ANO1: variants seen among roughly 807,000 people sequenced by gnomAD.
ANO1 encodes anoctamin-1.
A neutral mutation model predicts 124.0 loss-of-function variants in ANO1; 59 were observed. The observed-to-expected ratio is 0.48, with a 90% CI of 0.39 to 0.59. ANO1 has a LOEUF of 0.59. Among genes scored for constraint, ANO1 ranks in the 20% least tolerant of loss-of-function variants. The pLI, the probability that ANO1 is intolerant of heterozygous loss-of-function variation, is 0.00. For synonymous variants in ANO1, 529 were observed against 532.0 expected (o/e 0.99, Z 0.08); for missense variants, 1,059 against 1,328.0 (o/e 0.80, Z 3.15).
rs571183858 is a variant in ANO1 at position 70,046,156 on chromosome 11, C to G, written c.59-32386C>G. Among the ~76,000 whole-genome samples, 22 of 152,254 alleles carry G rather than the reference C, an allele frequency of 1.4e-4. No homozygotes were observed. In the South Asian group the frequency reaches 4.2e-3, roughly 29 times the overall value. The stretch of plus-strand genomic sequence containing the variant: ...CAAAGGTTGAGCTCATTGGGTTCAG[C>G]AAAAATGCCCAGTGTTAGTCTATGT... On this transcript the variant is annotated intron_variant, in intron 1 of 27. Transcript: ENST00000531349.
At position 70,091,137 on chromosome 11, in the gene ANO1, G is replaced by A. The variant is rs150132685; in HGVS notation, c.441+3053G>A. 6.1e-4 allele frequency among the ~76,000 whole-genome samples: 93 copies of A among 152,344 alleles called. 3 individuals are homozygous for A. The East Asian group carries it at 0.017, about 28-fold the overall frequency. On this transcript the variant is annotated intron_variant, in intron 2 of 25. Coordinates refer to ENST00000355303, the MANE Select transcript of ANO1 (RefSeq NM_018043.7). ...GTGTGGGCCCCTGCCAGCGTGGTTAGCAGACAGAGCTGCTGCCGTGTTCAT... is the reference window on the plus strand; with the variant it reads ...GTGTGGGCCCCTGCCAGCGTGGTTAACAGACAGAGCTGCTGCCGTGTTCAT...
intron 7 of ANO1, among the ~76,000 whole-genome samples, chr11:70,115,112 T>G (rs564527949): frequency 3.6e-4 from 55 of 152,298 alleles, no homozygotes; most frequent in African/African-American, 1.3e-3. Flanking sequence ...GAGGATCCCC[T>G]GAAGACTTAG....
Position 69,994,868 on chromosome 11 carries a change from C to T in ANO1, c.58+8702C>T, listed in dbSNP as rs373157455. Among the ~76,000 whole-genome samples, 22 of 152,264 alleles carry T rather than the reference C, an allele frequency of 1.4e-4. 1 individual carries two copies. Among genetic ancestry groups the T allele is most frequent in the East Asian group, 3.9e-4 (2 of 5,190 alleles). On this transcript the variant is annotated intron_variant, in intron 1 of 27. Coordinates refer to the ANO1 transcript ENST00000531349. ...CCAGACACACACAGTAGGCATGAGA[C>T]GGGCTCACTTCCAGCCAGGTATATT...
rs368504303 is a variant in ANO1 at position 70,117,606 on chromosome 11, C to T, written c.897+1107C>T. Among the ~76,000 whole-genome samples, 71 of 152,306 alleles carry T rather than the reference C, an allele frequency of 4.7e-4. 1 individual carries two copies. The South Asian group carries it at 0.01, about 22-fold the overall frequency. ...TACCAGCCTTCCCCCCAGGTCTCCA[C>T]GTCAGCCTCTGTTCCCCAAATGTGC... On this transcript the variant is annotated intron_variant, in intron 8 of 25. Transcript: ENST00000355303.
intron 11 of ANO1, among the ~76,000 whole-genome samples, chr11:70,136,005 G>A (rs540435126): frequency 6.6e-6 from 1 of 152,356 alleles, no homozygotes; most frequent in Non-Finnish European, 1.5e-5. Flanking sequence ...CACAGAACGA[G>A]CCCCTCCCCC....
chr11:69,967,469 C>T, the ANO1 span, among the ~76,000 whole-genome samples: 2 of 152,258 alleles, frequency 1.3e-5, no homozygotes, highest in Non-Finnish European at 2.9e-5. Flanking sequence ...CCCCGCATTC[C>T]ATCTCAGACT....
intron 2 of ANO1, among the ~76,000 whole-genome samples, chr11:70,090,019 G>A (rs2044563164): frequency 1.3e-5 from 2 of 151,274 alleles, no homozygotes; most frequent in Middle Eastern, 3.4e-3. Flanking sequence ...TTGTTTGTTT[G>A]TTTGTTTGTT....
intron 1 of ANO1, among the ~76,000 whole-genome samples, chr11:70,022,088 G>T (rs1202272473): frequency 6.6e-6 from 1 of 152,108 alleles, no homozygotes; most frequent in Admixed American, 6.5e-5. Flanking sequence ...ATCTCACGTT[G>T]GGCAGAAATC....
intron 22 of ANO1, among the ~76,000 whole-genome samples, chr11:70,173,478 A>C (rs188763058): frequency 6.6e-6 from 1 of 152,160 alleles, no homozygotes; most frequent in Admixed American, 6.5e-5. Context: ...CCCTCCGAAG[A>C]CCCTGCTAAC....
At chr11:70,075,091 G>A (rs1555009834), upstream of ANO1, 1 of 152,230 alleles carries the variant, frequency 6.6e-6, no homozygotes, top group African/African-American at 2.4e-5. Context: ...TTGGTAACCA[G>A]TCCCTGTGTC....
At chr11:70,134,006 G>C (rs2046860527) in intron 11 of ANO1, among the ~76,000 whole-genome samples, 1 of 152,240 alleles carries the variant, frequency 6.6e-6, no homozygotes, top group Non-Finnish European at 1.5e-5. Flanking sequence ...AATGGTGAGA[G>C]TTGGAGCTTC....
In ANO1 at chr11:70,111,773, T is replaced by C. The variant is rs1239293156; in HGVS notation, c.855+11T>C. The C allele has an allele frequency of 3.1e-6, 5 of 1,613,842 alleles. No homozygotes were observed. In the African/African-American group the frequency reaches 4.0e-5, roughly 13 times the overall value. ...TACCCACTGCACGATGTAAGTAACC[T>C]TGACACACGATTTATCTCTGCGTCA... On this transcript the variant is annotated intron_variant, in intron 7 of 25. Coordinates refer to ENST00000355303, the MANE Select transcript of ANO1 (RefSeq NM_018043.7).
intron 1 of ANO1, among the ~76,000 whole-genome samples, chr11:70,014,169 G>T (rs1307690304): frequency 1.3e-5 from 2 of 152,098 alleles, no homozygotes; most frequent in African/African-American, 2.4e-5. Flanking sequence ...TATCAACTGG[G>T]GGGGAAGCAC....
At chr11:70,109,779 G>A (rs11234371) in intron 6 of ANO1, among the ~76,000 whole-genome samples, 10,264 of 152,214 alleles carry the variant, frequency 0.067, 444 homozygotes, top group Non-Finnish European at 0.1. Flanking sequence ...AGGCTGCATG[G>A]CCCAGGCTGA....
chr11:70,087,218 A>G (rs1317719), intron 1 of ANO1, among the ~76,000 whole-genome samples: 44,046 of 152,126 alleles, frequency 0.29, 7,892 homozygotes, highest in East Asian at 0.45. Flanking sequence ...ATACGTAATA[A>G]TCACCTCATG....
intron 2 of ANO1, among the ~76,000 whole-genome samples, chr11:70,090,193 G>A (rs937883771): frequency 1.3e-5 from 2 of 152,140 alleles, no homozygotes; most frequent in Non-Finnish European, 2.9e-5. Flanking sequence ...ATTTTTAGTA[G>A]AGACAGGGTT....
intron 1 of ANO1, among the ~76,000 whole-genome samples, chr11:70,002,862 G>T (rs1554999546): frequency 6.6e-6 from 1 of 152,068 alleles, no homozygotes; most frequent in Non-Finnish European, 1.5e-5. Flanking sequence ...TGAGTTCCAG[G>T]CAAAGTAAAG....
At chr11:69,984,601 T>G (rs1049329719), upstream of ANO1, among the ~76,000 whole-genome samples, 4 of 152,178 alleles carry the variant, frequency 2.6e-5, no homozygotes, top group Non-Finnish European at 5.9e-5. Flanking sequence ...GGCAGTGTCC[T>G]CAGGTACCAA....
At chr11:70,050,013 C>T (rs1195786545) in intron 1 of ANO1, among the ~76,000 whole-genome samples, 1 of 152,194 alleles carries the variant, frequency 6.6e-6, no homozygotes, top group African/African-American at 2.4e-5. Context: ...GCCATCACGC[C>T]CAGCTGCTGT....
Sources: gnomAD v4.1 joint callset for allele counts (sites outside exome capture counted in the v4.1 genomes callset) on GRCh38, gnomAD v4.1.1 for gene constraint, MANE v1.5 for transcripts, NCBI Gene and HGNC (gene_info 2026-07-23, HGNC 2026-07-21) for gene names.